The following DOK5 variants were observed in gnomAD, a reference collection of about 807,000 sequenced individuals.
The protein encoded by DOK5 is downstream of tyrosine kinase 5.
Under a neutral mutation model 43.3 loss-of-function variants are expected in DOK5, and 27 were observed. The observed-to-expected ratio is 0.62, with a 90% CI of 0.46 to 0.86. DOK5 has a LOEUF of 0.86. Among genes scored for constraint, DOK5 ranks in the 40% least tolerant of loss-of-function variants. The probability of loss-of-function intolerance (pLI) is 0.00; values close to 1 mark genes in which losing one functional copy is unlikely to be tolerated. For synonymous variants in DOK5, 146 were observed against 140.1 expected (o/e 1.04, Z -0.30); for missense variants, 373 against 392.9 (o/e 0.95, Z 0.43).
intron 5 of DOK5, among the ~76,000 whole-genome samples, chr20:54,598,811 C>A (rs534733722): frequency 6.6e-6 from 1 of 152,134 alleles, no homozygotes; most frequent in South Asian, 2.1e-4. Flanking sequence ...AGTTCACAAG[C>A]GGTTTTTGAA....
At chr20:54,511,004 A>G (rs979912265) in intron 1 of DOK5, among the ~76,000 whole-genome samples, 2 of 152,204 alleles carry the variant, frequency 1.3e-5, no homozygotes, top group Non-Finnish European at 2.9e-5. Context: ...AACTGCAGTA[A>G]TAGCTACCAT....
chr20:54,621,308 A>G (rs1568815561), intron 6 of DOK5, among the ~76,000 whole-genome samples: 1 of 152,196 alleles, frequency 6.6e-6, no homozygotes, highest in Admixed American at 6.5e-5. Context: ...TTTTGGAAAA[A>G]GAAACAGTGG....
chr20:54,626,060 G>C (rs931935922), intron 6 of DOK5, among the ~76,000 whole-genome samples: 6 of 152,160 alleles, frequency 3.9e-5, no homozygotes, highest in African/African-American at 1.4e-4. Context: ...TCCAAAGCTT[G>C]GCTTTCAACT....
chr20:54,631,092 C>T (rs1978544685), intron 6 of DOK5, among the ~76,000 whole-genome samples: 1 of 152,102 alleles, frequency 6.6e-6, no homozygotes, highest in African/African-American at 2.4e-5. Flanking sequence ...CTGTAGAAGA[C>T]AGTATTTAGG....
chr20:54,545,188 T>G (rs1221716323), intron 1 of DOK5, among the ~76,000 whole-genome samples: 4 of 152,218 alleles, frequency 2.6e-5, no homozygotes, highest in African/African-American at 4.8e-5. Context: ...ACTGTCATAA[T>G]TTTTGCAAAG....
chr20:54,533,938 C>A (rs1175317787), intron 1 of DOK5, among the ~76,000 whole-genome samples: 2 of 152,106 alleles, frequency 1.3e-5, no homozygotes, highest in East Asian at 1.9e-4. Flanking sequence ...TTATAGACAG[C>A]AACCATACTA....
At chr20:54,621,439 C>A (rs1312739346) in intron 6 of DOK5, among the ~76,000 whole-genome samples, 1 of 152,182 alleles carries the variant, frequency 6.6e-6, no homozygotes, top group Non-Finnish European at 1.5e-5. Context: ...CGCCTGTAAT[C>A]CCAGCACTTT....
At chr20:54,528,900 T>A (rs868562212) in intron 1 of DOK5, among the ~76,000 whole-genome samples, 1 of 152,118 alleles carries the variant, frequency 6.6e-6, no homozygotes, top group South Asian at 2.1e-4. Context: ...AAAACCTAAG[T>A]GGAGTTGTGG....
At chr20:54,541,810 A>G (rs1349564151) in intron 1 of DOK5, among the ~76,000 whole-genome samples, 1 of 151,618 alleles carries the variant, frequency 6.6e-6, no homozygotes, top group Non-Finnish European at 1.5e-5. Context: ...CCAGCCCTGA[A>G]CTCTTCTCCT....
At chr20:54,613,308 T>C (rs1024589942) in intron 6 of DOK5, among the ~76,000 whole-genome samples, 6 of 151,912 alleles carry the variant, frequency 3.9e-5, no homozygotes, top group Non-Finnish European at 8.8e-5. Context: ...TAAAATTAGA[T>C]TGAGAAGGAA....
Position 54,588,348 on chromosome 20 carries a change from C to T in DOK5, c.175-135C>T. 2 of 673,114 alleles carry T rather than the reference C, an allele frequency of 3.0e-6. 1 individual carries two copies. Among genetic ancestry groups the T allele is most frequent in the South Asian group, 3.6e-5 (2 of 54,958 alleles). 41.7% of individuals were successfully genotyped at this position (673,114 alleles called of 1,614,324 possible). On this transcript the variant is annotated intron_variant, in intron 2 of 7. Coordinates refer to ENST00000262593, the MANE Select transcript of DOK5 (RefSeq NM_018431.5). ...ACTCACTTAAATACATCTTAGCTTTCAGATGTAGATACTTTTTCAACAGGT... is the reference window on the plus strand; with the variant it reads ...ACTCACTTAAATACATCTTAGCTTTTAGATGTAGATACTTTTTCAACAGGT...
chr20:54,630,355 A>G (rs1978507847), intron 6 of DOK5, among the ~76,000 whole-genome samples: 1 of 152,166 alleles, frequency 6.6e-6, no homozygotes, highest in Non-Finnish European at 1.5e-5. Context: ...GTGTGTTTTA[A>G]CCAGAACAAC....
chr20:54,540,615 A>T (rs1984123378), intron 1 of DOK5, among the ~76,000 whole-genome samples: 1 of 152,144 alleles, frequency 6.6e-6, no homozygotes, highest in South Asian at 2.1e-4. Flanking sequence ...CCTGGGATCA[A>T]TTGATCCTTC....
intron 1 of DOK5, among the ~76,000 whole-genome samples, chr20:54,485,685 A>T (rs551419494): frequency 8.5e-5 from 13 of 152,318 alleles, no homozygotes; most frequent in Admixed American, 7.8e-4. Context: ...CAGGAGTGCA[A>T]TTGCTGGGTT....
intron 6 of DOK5, among the ~76,000 whole-genome samples, chr20:54,623,355 G>A (rs1253276512): frequency 6.6e-6 from 1 of 152,070 alleles, no homozygotes; most frequent in Non-Finnish European, 1.5e-5. Flanking sequence ...GCTTGAAGCT[G>A]GGCCAGAATT....
intron 6 of DOK5, among the ~76,000 whole-genome samples, chr20:54,643,235 G>A (rs551131387): frequency 5.9e-5 from 9 of 152,302 alleles, no homozygotes; most frequent in African/African-American, 2.2e-4. Flanking sequence ...GTTCCCCAAA[G>A]GAACGTCATC....
At position 54,567,876 on chromosome 20, in the gene DOK5, G is replaced by A. The variant is rs544187092; in HGVS notation, c.174+12836G>A. On this transcript the variant is annotated intron_variant, in intron 2 of 7. Coordinates refer to ENST00000262593, the MANE Select transcript of DOK5 (RefSeq NM_018431.5). ...TTTCATCAGCATTTTCTAATGTTCAGCCTTCAAATCCTATGTGTTTTATTA... is the reference window on the plus strand; with the variant it reads ...TTTCATCAGCATTTTCTAATGTTCAACCTTCAAATCCTATGTGTTTTATTA... 9.2e-5 allele frequency among the ~76,000 whole-genome samples: 14 copies of A among 152,182 alleles called. No homozygotes were observed. The East Asian group carries it at 2.5e-3, about 27-fold the overall frequency.
chr20:54,488,870 C>G (rs1439142539), intron 1 of DOK5, among the ~76,000 whole-genome samples: 1 of 147,194 alleles, frequency 6.8e-6, no homozygotes, highest in African/African-American at 2.5e-5. Flanking sequence ...GCCCATTTTA[C>G]AAATTATTTA....
At chr20:54,480,901 C>CTAT (rs879775208) in intron 1 of DOK5, among the ~76,000 whole-genome samples, 6,272 of 144,188 alleles carry the variant, frequency 0.043, 566 homozygotes, top group African/African-American at 0.073. Context: ...TTTAAGGCCT[C>CTAT]CATCTATCTA....
Sources: gnomAD v4.1 joint callset for allele counts (sites outside exome capture counted in the v4.1 genomes callset) on GRCh38, gnomAD v4.1.1 for gene constraint, MANE v1.5 for transcripts, NCBI Gene and HGNC (gene_info 2026-07-23, HGNC 2026-07-21) for gene names.